The following KIAA0753 variants were observed in gnomAD, a reference collection of about 807,000 sequenced individuals.
The protein encoded by KIAA0753 is KIAA0753.
In KIAA0753, 114 loss-of-function variants were observed where a neutral mutation model predicts 116.9. That is an observed-to-expected ratio of 0.98 (90% confidence interval 0.84 to 1.14). The LOEUF (loss-of-function observed/expected upper bound fraction) is 1.14, where lower values mean the gene tolerates loss of function less well. Among genes scored for constraint, KIAA0753 ranks in the 50% most tolerant of loss-of-function variants. The pLI, the probability that KIAA0753 is intolerant of heterozygous loss-of-function variation, is 0.00. For synonymous variants in KIAA0753, 405 were observed against 413.1 expected (o/e 0.98, Z 0.24); for missense variants, 1,156 against 1,172.4 (o/e 0.99, Z 0.20).
chr17:6,591,006 GAAGGAA>G (rs1164770540), intron 16 of KIAA0753, among the ~76,000 whole-genome samples: 5 of 86,086 alleles, frequency 5.8e-5, no homozygotes, highest in East Asian at 3.9e-4. Context: ...GAAGGAAGAA[GAAGGAA>G]GAAGAAGGAA....
At chr17:6,617,045 A>C (rs973042896) in intron 7 of KIAA0753, among the ~76,000 whole-genome samples, 1 of 152,168 alleles carries the variant, frequency 6.6e-6, no homozygotes, top group African/African-American at 2.4e-5. Context: ...TGGGCACCTC[A>C]AATCTTCTAC....
At chr17:6,610,184 T>C in intron 8 of KIAA0753, 24 bp from the exon 9 acceptor site, 2 of 1,612,846 alleles carry the variant, frequency 1.2e-6, no homozygotes, top group Non-Finnish European at 1.7e-6. Flanking sequence ...GTAAGAATTA[T>C]AAGGCCACAC....
chr17:6,624,588 AAG>A lies in KIAA0753; in HGVS notation c.825+165_825+166del, dbSNP rs980405617. Among the ~76,000 whole-genome samples, 9 of 150,158 alleles carry A rather than the reference AAG, an allele frequency of 6.0e-5. No homozygotes were observed. In the East Asian group the frequency reaches 1.2e-3, roughly 20 times the overall value. ...CACACACACGCAGATTACAAAAAGA[AAG>A]AGAATTATTTGCCCATGTGTTCAGG... On this transcript the variant is annotated intron_variant, in intron 4 of 18. Coordinates refer to ENST00000361413, the MANE Select transcript of KIAA0753 (RefSeq NM_014804.3).
At chr17:6,635,386 T>C (rs1482890061) in intron 1 of KIAA0753, 2 of 217,194 alleles carry the variant, frequency 9.2e-6, no homozygotes, top group Non-Finnish European at 1.6e-5. Context: ...CAAAAAAAAA[T>C]AGGGGAACAC....
intron 12 of KIAA0753, among the ~76,000 whole-genome samples, chr17:6,603,095 T>C (rs1019843985): frequency 1.3e-5 from 2 of 151,704 alleles, no homozygotes; most frequent in Non-Finnish European, 2.9e-5. Flanking sequence ...ACAAACTCAA[T>C]AGGTTAAATG....
chr17:6,602,978 T>C (rs1230474383), intron 12 of KIAA0753, among the ~76,000 whole-genome samples: 1 of 152,084 alleles, frequency 6.6e-6, no homozygotes, highest in Non-Finnish European at 1.5e-5. Flanking sequence ...AAAACAGCAC[T>C]GAATCCATGA....
At chr17:6,635,846 C>T (rs1193325711) in intron 1 of KIAA0753, 1 of 152,198 alleles carries the variant, frequency 6.6e-6, no homozygotes, top group Non-Finnish European at 1.5e-5. Flanking sequence ...CTTTACTATC[C>T]CTGCCACTCA....
chr17:6,630,396 G>A (rs1468409235), intron 2 of KIAA0753, among the ~76,000 whole-genome samples: 3 of 152,068 alleles, frequency 2.0e-5, no homozygotes, highest in African/African-American at 4.8e-5. Flanking sequence ...ATGCAAATTG[G>A]CATAATTCTT....
Position 6,610,162 on chromosome 17 carries a change from T to C in KIAA0753, c.1546-2A>G. 6.2e-7 allele frequency: 1 copy of C among 1,613,992 alleles called. No individual in the cohort carries two copies. The highest frequency in any genetic ancestry group is 8.5e-7 in the Non-Finnish European group (1 of 1,179,902). Reference sequence around the variant, plus strand: ...ACCTCTTTCAGCTTTGCGGAGTCCCTGTGAGAGATAAGTAAGAATTATAAG... The same window carrying C: ...ACCTCTTTCAGCTTTGCGGAGTCCCCGTGAGAGATAAGTAAGAATTATAAG... On this transcript the variant is annotated splice_acceptor_variant, in intron 8 of 18. Transcript: ENST00000361413. LOFTEE classifies it high-confidence loss of function.
chr17:6,640,315 A>G (rs1972588405), intron 1 of KIAA0753: 1 of 152,704 alleles, frequency 6.5e-6, no homozygotes, highest in South Asian at 2.1e-4. Context: ...CTCCCGGCTC[A>G]TAGCTCCAGG....
At chr17:6,599,170 AT>A (rs780379316) in intron 14 of KIAA0753, 66 bp downstream of exon 14, 10 of 1,119,794 alleles carry the variant, frequency 8.9e-6, no homozygotes, top group Non-Finnish European at 1.4e-5. Context: ...TCTGTATTTC[AT>A]TTTCATTACA....
At chr17:6,593,814 G>A (rs912130831) in intron 16 of KIAA0753, among the ~76,000 whole-genome samples, 11 of 152,230 alleles carry the variant, frequency 7.2e-5, no homozygotes, top group Non-Finnish European at 1.6e-4. Flanking sequence ...GAACTCGGGA[G>A]GTAGAGGTTG....
chr17:6,620,963 T>C lies in KIAA0753; in HGVS notation c.1140A>G (p.Pro380=), dbSNP rs748998156. The part of the protein sequence containing the change: ...LESLLEKKLS[P]KKVKKCFSEI... ...CACTGAAACATTTTTTCACCTTTTT[T>C]GGTGACAGTTTCTTTTCCAGGAGAG... is the stretch of plus-strand genomic sequence containing the variant. The change falls in exon 7 of 19, where the codon CCA becomes CCG. Residue 380 remains proline (P), a synonymous_variant. Transcript: ENST00000361413. 3.7e-6 allele frequency: 6 copies of C among 1,613,770 alleles called. No individual in the cohort carries two copies. The highest frequency in any genetic ancestry group is 5.1e-6 in the Non-Finnish European group (6 of 1,180,004).
In KIAA0753 at chr17:6,619,400, T is replaced by C. The variant is rs767606501; in HGVS notation, c.1315+1388A>G. On this transcript the variant is annotated intron_variant, in intron 7 of 18. Transcript: ENST00000361413. ...TAATTAATTCAGCTATAAATCTATA[T>C]TATTTTGTGTACTTTTCTATCTGTA... Among the ~76,000 whole-genome samples the C allele has an allele frequency of 4.9e-4, 74 of 152,286 alleles. 1 individual carries two copies. Among genetic ancestry groups the C allele is most frequent in the Non-Finnish European group, 6.9e-4 (47 of 68,020 alleles).
At chr17:6,608,531 G>A (rs535345563) in intron 9 of KIAA0753, 67 bp from the exon 10 acceptor site, 6 of 815,948 alleles carry the variant, frequency 7.4e-6, no homozygotes, top group Admixed American at 5.5e-5. Flanking sequence ...ATCCAAGTAG[G>A]TGCCAGCTCA....
rs112740973 is a variant in KIAA0753, at chr17:6,589,887, G to A, written c.2678C>T (p.Pro893Leu). ...KEGRAPLFVP[P>L]GMQHSIGDYC... The stretch of plus-strand genomic sequence containing the variant: ...GTCACCGATGCTGTGCTGCATACCC[G>A]GTGGGACAAAGAGGGGAGCTCGGCC... The change falls in exon 18 of 19, where the codon CCG (proline) becomes CTG (leucine). Residue 893 changes from proline (P) to leucine (L), a missense_variant. Coordinates refer to ENST00000361413, the MANE Select transcript of KIAA0753 (RefSeq NM_014804.3). The A allele has an allele frequency of 2.9e-5, 46 of 1,613,646 alleles. No homozygotes were observed. Among genetic ancestry groups the A allele is most frequent in the Admixed American group, 6.7e-5 (4 of 59,946 alleles).
rs1328480816 is a variant in KIAA0753, at chr17:6,578,538, T to C, written c.*1209A>G. The C allele has an allele frequency of 6.6e-6, 1 of 152,158 alleles. No homozygotes were observed. Among genetic ancestry groups the C allele is most frequent in the Non-Finnish European group, 1.5e-5 (1 of 68,018 alleles). The allele number at this position is 152,158 out of a possible 1,614,324, so 9.4% of individuals were successfully genotyped here. On this transcript the variant is annotated 3_prime_UTR_variant, in exon 19 of 19. Coordinates refer to ENST00000361413, the MANE Select transcript of KIAA0753 (RefSeq NM_014804.3). ...ACATTAACATTAAATGAAAATCAAT[T>C]TTGCACAAATAAGTGTGATCAAGCA...
chr17:6,613,748 A>C (rs1269209795), intron 7 of KIAA0753, among the ~76,000 whole-genome samples: 1 of 152,254 alleles, frequency 6.6e-6, no homozygotes, highest in Non-Finnish European at 1.5e-5. Flanking sequence ...ATGAAGGCCT[A>C]AATGTGGAAA....
intron 1 of KIAA0753, chr17:6,640,018 G>A (rs1972562618): frequency 6.5e-6 from 1 of 152,798 alleles, no homozygotes; most frequent in African/African-American, 2.4e-5. Flanking sequence ...GGTCCCAGGA[G>A]CTCCCAAAGC....
Sources: gnomAD v4.1 joint callset for allele counts (sites outside exome capture counted in the v4.1 genomes callset) on GRCh38, gnomAD v4.1.1 for gene constraint, MANE v1.5 for transcripts, NCBI Gene and HGNC (gene_info 2026-07-23, HGNC 2026-07-21) for gene names.